Variants in NRXN1 observed in about 807,000 individuals in gnomAD.
The protein encoded by NRXN1 is neurexin 1.
Under a neutral mutation model 150.9 loss-of-function variants are expected in NRXN1, and 39 were observed. The ratio of observed to expected loss-of-function variants is 0.26; its 90% CI spans 0.20 to 0.34. The LOEUF (loss-of-function observed/expected upper bound fraction) is 0.34, where lower values mean the gene tolerates loss of function less well. Ranked by LOEUF, NRXN1 falls within the 10% of genes least tolerant of loss-of-function variation. The pLI is 1.00. For synonymous variants in NRXN1, 924 were observed against 757.0 expected, an observed-to-expected ratio of 1.22 and a Z score of -3.62; for missense variants, 1,815 against 1,949.9, an observed-to-expected ratio of 0.93 and a Z score of 1.30.
At chr2:50,395,312 C>T (rs530657343) in intron 17 of NRXN1, among the ~76,000 whole-genome samples, 4 of 151,400 alleles carry the variant, frequency 2.6e-5, no homozygotes, top group Middle Eastern at 6.8e-3. Flanking sequence ...TAATTCTTTA[C>T]CTCACATCAA....
In NRXN1 at chr2:49,919,722, T is replaced by C. The variant is rs551566143; in HGVS notation, c.*2222A>G. The C allele has an allele frequency of 4.7e-4, 71 of 152,208 alleles. No homozygotes were observed. Among genetic ancestry groups the C allele is most frequent in the African/African-American group, 1.7e-3 (69 of 41,540 alleles). The allele number at this position is 152,208 out of a possible 1,614,324, so 9.4% of individuals were successfully genotyped here. A position where few individuals can be genotyped will look rare whatever the true frequency, so the allele number is the denominator to read the frequency against. ...AAATGAAAATCTAGAAAAGAAGCAA[T>C]GGATATTAAATTTTCATTTTATACC... On this transcript the variant is annotated 3_prime_UTR_variant, in exon 23 of 23. Transcript: ENST00000401669.
chr2:50,553,853 A>G (rs1043150154), intron 8 of NRXN1, among the ~76,000 whole-genome samples: 6 of 152,182 alleles, frequency 3.9e-5, no homozygotes, highest in African/African-American at 1.2e-4. Flanking sequence ...TTGGATTCCA[A>G]TTAACACATT....
At position 49,920,543 on chromosome 2, in the gene NRXN1, C is replaced by T. The variant is rs1279040084; in HGVS notation, c.*1401G>A. ...AGGGACTAAAATCTTCTTAAGGTTACCTGGGAGCAAGATCTCAATGAAGCA... is the reference window on the plus strand; with the variant it reads ...AGGGACTAAAATCTTCTTAAGGTTATCTGGGAGCAAGATCTCAATGAAGCA... On this transcript the variant is annotated 3_prime_UTR_variant, in exon 23 of 23. Transcript: ENST00000401669. The T allele has an allele frequency of 1.3e-5, 2 of 152,472 alleles. No individual in the cohort carries two copies. The highest frequency in any genetic ancestry group is 2.1e-4 in the South Asian group (1 of 4,818). 9.4% of individuals were successfully genotyped at this position (152,472 alleles called of 1,614,324 possible).
intron 5 of NRXN1, among the ~76,000 whole-genome samples, chr2:50,714,153 T>A (rs1374904101): frequency 6.6e-6 from 1 of 152,168 alleles, no homozygotes; most frequent in Non-Finnish European, 1.5e-5. Context: ...TCCCTGCCCA[T>A]TACCATTCCC....
intron 18 of NRXN1, among the ~76,000 whole-genome samples, chr2:50,115,254 T>C (rs935709404): frequency 4.2e-5 from 6 of 142,704 alleles, no homozygotes; most frequent in Non-Finnish European, 7.6e-5. Context: ...CACACACACA[T>C]ATATATAATA....
At chr2:50,986,470 C>T (rs940304571) in intron 2 of NRXN1, among the ~76,000 whole-genome samples, 1 of 151,688 alleles carries the variant, frequency 6.6e-6, no homozygotes, top group Non-Finnish European at 1.5e-5. Context: ...AATACATCAT[C>T]TTCTATGCCA....
At chr2:50,419,296 G>C (rs1291517884) in intron 17 of NRXN1, among the ~76,000 whole-genome samples, 2 of 152,088 alleles carry the variant, frequency 1.3e-5, no homozygotes, top group African/African-American at 4.8e-5. Flanking sequence ...ACTTGGTAAT[G>C]AGTTTTGGAC....
intron 17 of NRXN1, among the ~76,000 whole-genome samples, chr2:50,406,242 T>A (rs1207758751): frequency 1.3e-5 from 2 of 151,956 alleles, no homozygotes; most frequent in Non-Finnish European, 2.9e-5. Flanking sequence ...AAAACCACCA[T>A]AAAACAAGAT....
chr2:50,581,097 T>C (rs1160094452), intron 8 of NRXN1, among the ~76,000 whole-genome samples: 1 of 152,184 alleles, frequency 6.6e-6, no homozygotes, highest in East Asian at 1.9e-4. Context: ...TCATTTACAT[T>C]TGACACCTAT....
intron 5 of NRXN1, among the ~76,000 whole-genome samples, chr2:50,690,108 A>T (rs1296632357): frequency 6.6e-6 from 1 of 151,890 alleles, no homozygotes; most frequent in Non-Finnish European, 1.5e-5. Flanking sequence ...GCTGGTCTAG[A>T]CCTCTTGACA....
chr2:50,246,841 G>T (rs575480), intron 17 of NRXN1, among the ~76,000 whole-genome samples: 62,452 of 151,850 alleles, frequency 0.41, 13,062 homozygotes, highest in Middle Eastern at 0.46. Context: ...TAATATATGA[G>T]AATTGTCTTT....
chr2:50,444,875 T>C (rs926982700), intron 17 of NRXN1, among the ~76,000 whole-genome samples: 1 of 152,174 alleles, frequency 6.6e-6, no homozygotes, highest in African/African-American at 2.4e-5. Flanking sequence ...TTTTGCATTA[T>C]TCAGATTGTT....
chr2:49,974,763 T>TTC (rs1678651778), intron 21 of NRXN1, among the ~76,000 whole-genome samples: 1 of 151,732 alleles, frequency 6.6e-6, no homozygotes, highest in African/African-American at 2.4e-5. Flanking sequence ...GGCTTTTTTT[T>TTC]TTTTGGCCAA....
intron 19 of NRXN1, among the ~76,000 whole-genome samples, chr2:50,074,553 T>G (rs1347534991): frequency 6.6e-6 from 1 of 152,156 alleles, no homozygotes; most frequent in East Asian, 1.9e-4. Flanking sequence ...CACATATATA[T>G]GATGGCTACT....
At chr2:50,590,914 T>C (rs1036009597) in intron 8 of NRXN1, among the ~76,000 whole-genome samples, 4 of 152,164 alleles carry the variant, frequency 2.6e-5, no homozygotes, top group African/African-American at 4.8e-5. Flanking sequence ...CTCTCAGCAA[T>C]TGGCTCACCA....
intron 5 of NRXN1, among the ~76,000 whole-genome samples, chr2:50,795,483 T>G (rs2105641029): frequency 6.6e-6 from 1 of 152,212 alleles, no homozygotes; most frequent in East Asian, 1.9e-4. Context: ...TTTTCTTTCC[T>G]TCTTTTCTTG....
intron 21 of NRXN1, among the ~76,000 whole-genome samples, chr2:50,043,917 A>G (rs1332694584): frequency 6.6e-6 from 1 of 152,110 alleles, no homozygotes; most frequent in Non-Finnish European, 1.5e-5. Flanking sequence ...TTGGGTCATC[A>G]TGTGTGAATC....
At chr2:50,144,186 T>C (rs934421526) in intron 18 of NRXN1, among the ~76,000 whole-genome samples, 6 of 151,858 alleles carry the variant, frequency 4.0e-5, no homozygotes, top group African/African-American at 9.7e-5. Context: ...ATCCAAAAAA[T>C]ACCTTTCAGT....
chr2:50,290,786 T>C (rs1388633769), intron 17 of NRXN1, among the ~76,000 whole-genome samples: 2 of 152,032 alleles, frequency 1.3e-5, no homozygotes, highest in African/African-American at 4.8e-5. Flanking sequence ...TGGTAAAATG[T>C]CCAGATCTCT....
Sources: allele counts gnomAD v4.1 joint callset (sites outside exome capture counted in the v4.1 genomes callset), GRCh38; gene constraint gnomAD v4.1.1; transcripts MANE v1.5; gene names NCBI Gene and HGNC (gene_info 2026-07-23, HGNC 2026-07-21).